MPP7: variants seen among roughly 807,000 people sequenced by gnomAD.
MPP7 encodes the protein MAGUK p55 subfamily member 7.
Under a neutral mutation model 76.5 loss-of-function variants are expected in MPP7, and 60 were observed. That is an observed-to-expected ratio of 0.78 (90% confidence interval 0.64 to 0.97). MPP7 has a LOEUF of 0.97. MPP7 is among the 50% of genes least tolerant of loss of function. The pLI is 0.00. For missense variants in MPP7, 641 were observed against 694.0 expected, an observed-to-expected ratio of 0.92 and a Z score of 0.86; for synonymous variants, 237 against 244.5, an observed-to-expected ratio of 0.97 and a Z score of 0.29.
chr10:28,291,750 A>C (rs1249268842), intron 1 of MPP7, among the ~76,000 whole-genome samples: 1 of 152,242 alleles, frequency 6.6e-6, no homozygotes, highest in Admixed American at 6.5e-5. Context: ...GTACACTATA[A>C]AATGTGCTTG....
At chr10:28,252,129 T>A (rs1312070099) in intron 1 of MPP7, among the ~76,000 whole-genome samples, 1 of 152,218 alleles carries the variant, frequency 6.6e-6, no homozygotes. Flanking sequence ...TATACATTGC[T>A]TAGTTATCAA....
At chr10:28,132,588 C>T (rs754470779) in intron 5 of MPP7, among the ~76,000 whole-genome samples, 15 of 151,926 alleles carry the variant, frequency 9.9e-5, no homozygotes, top group Non-Finnish European at 2.1e-4. Context: ...TGCCCCAATG[C>T]CCAGCTATTT....
intron 1 of MPP7, among the ~76,000 whole-genome samples, chr10:28,260,825 CA>C (rs2132932354): frequency 6.8e-6 from 1 of 146,678 alleles, no homozygotes; most frequent in African/African-American, 2.5e-5. Flanking sequence ...TCTTCTGGCA[CA>C]ATTTAAAGTG....
At chr10:28,297,272 T>C (rs1200201761) in intron 1 of MPP7, among the ~76,000 whole-genome samples, 3 of 152,242 alleles carry the variant, frequency 2.0e-5, no homozygotes, top group Non-Finnish European at 4.4e-5. Flanking sequence ...TTTAAAATGC[T>C]AGTGATCATC....
chr10:28,211,568 T>C (rs919769101), intron 2 of MPP7, among the ~76,000 whole-genome samples: 1 of 151,872 alleles, frequency 6.6e-6, no homozygotes, highest in Non-Finnish European at 1.5e-5. Context: ...TGACCAAGGA[T>C]TGGGGAAGAT....
chr10:28,282,961 T>C lies in MPP7; in HGVS notation c.-132+19900A>G, dbSNP rs144237699. Among the ~76,000 whole-genome samples the C allele has an allele frequency of 1.3e-3, 205 of 152,118 alleles. 2 individuals carry two copies. Among genetic ancestry groups the C allele is most frequent in the African/African-American group, 4.7e-3 (194 of 41,422 alleles). ...TAGGCATTAAAAAAAGATACCTTTT[T>C]CTGGTGTGTCAGTTGCGCACAGTGG... On this transcript the variant is annotated intron_variant, in intron 1 of 16. Transcript: ENST00000683449.
At chr10:28,192,832 C>T (rs187370403) in intron 3 of MPP7, among the ~76,000 whole-genome samples, 15 of 152,264 alleles carry the variant, frequency 9.9e-5, no homozygotes, top group African/African-American at 3.4e-4. Context: ...CAAAGAAGAA[C>T]AAAGTCTGAG....
chr10:28,173,378 A>G (rs1260402979), intron 3 of MPP7, among the ~76,000 whole-genome samples: 1 of 152,256 alleles, frequency 6.6e-6, no homozygotes, highest in Non-Finnish European at 1.5e-5. Context: ...TAAGGCAAAC[A>G]TAAATAGATG....
intron 3 of MPP7, among the ~76,000 whole-genome samples, chr10:28,159,310 G>A (rs1345582409): frequency 6.6e-6 from 1 of 152,100 alleles, no homozygotes; most frequent in Non-Finnish European, 1.5e-5. Flanking sequence ...AATTCACTGA[G>A]TATCTTAAAG....
chr10:28,142,452 T>A (rs1835553317), intron 5 of MPP7, among the ~76,000 whole-genome samples: 1 of 152,200 alleles, frequency 6.6e-6, no homozygotes, highest in Non-Finnish European at 1.5e-5. Context: ...TAGTTGGGGC[T>A]GTGCATGGTG....
At chr10:28,107,618 T>A (rs1834366831) in intron 11 of MPP7, among the ~76,000 whole-genome samples, 1 of 152,124 alleles carries the variant, frequency 6.6e-6, no homozygotes, top group Non-Finnish European at 1.5e-5. Context: ...AGCATTTACA[T>A]CCTGGAGACT....
chr10:28,126,238 T>G (rs10826403), intron 6 of MPP7, among the ~76,000 whole-genome samples: 1 of 151,998 alleles, frequency 6.6e-6, no homozygotes, highest in Non-Finnish European at 1.5e-5. Flanking sequence ...GAGCATCACT[T>G]CATGGTCATA....
chr10:28,277,969 G>A (rs1840555148), intron 1 of MPP7, among the ~76,000 whole-genome samples: 1 of 152,014 alleles, frequency 6.6e-6, no homozygotes, highest in Non-Finnish European at 1.5e-5. Flanking sequence ...TGAGTGACAT[G>A]AAGAGCTATC....
At chr10:28,078,153 C>T (rs1852584764) in intron 12 of MPP7, among the ~76,000 whole-genome samples, 1 of 152,324 alleles carries the variant, frequency 6.6e-6, no homozygotes, top group East Asian at 1.9e-4. Flanking sequence ...AAAACATGAA[C>T]TCGGGTAGCT....
chr10:28,160,225 T>A (rs1463173271), intron 3 of MPP7, among the ~76,000 whole-genome samples: 1 of 152,194 alleles, frequency 6.6e-6, no homozygotes, highest in Non-Finnish European at 1.5e-5. Context: ...ATCCTACAGC[T>A]ACTTGTCCTC....
Position 28,058,611 on chromosome 10 carries a change from A to G in MPP7, c.1299-8T>C. The G allele has an allele frequency of 7.0e-7, 1 of 1,419,328 alleles. No homozygotes were observed. Among genetic ancestry groups the G allele is most frequent in the Non-Finnish European group, 9.7e-7 (1 of 1,026,064 alleles). The allele number at this position is 1,419,328 out of a possible 1,614,324, so 87.9% of individuals were successfully genotyped here. A position where few individuals can be genotyped will look rare whatever the true frequency, so the allele number is the denominator to read the frequency against. Reference sequence around the variant, plus strand: ...TCTCCATATTCAATAAACCTGTAAAAAATTAAATGCATTGGAATCATTTGT... The same window carrying G: ...TCTCCATATTCAATAAACCTGTAAAGAATTAAATGCATTGGAATCATTTGT... On this transcript the variant is annotated splice_polypyrimidine_tract_variant and splice_region_variant and intron_variant, in intron 14 of 16. Transcript: ENST00000683449.
chr10:28,069,629 ACTC>A, intron 13 of MPP7, 140 bp downstream of exon 13: 1 of 482,122 alleles, frequency 2.1e-6, no homozygotes, highest in African/African-American at 2.0e-5. Flanking sequence ...CAAAAAAAAA[ACTC>A]ACATGCCCCA....
chr10:28,329,480 T>A (rs947352697), intron 2 of MPP7, among the ~76,000 whole-genome samples: 19 of 152,034 alleles, frequency 1.2e-4, no homozygotes, highest in African/African-American at 4.6e-4. Flanking sequence ...TACAAAAAAA[T>A]TAGCTGGGCG....
At chr10:28,269,522 T>C (rs926479241) in intron 1 of MPP7, among the ~76,000 whole-genome samples, 1 of 148,180 alleles carries the variant, frequency 6.7e-6, no homozygotes, top group Non-Finnish European at 1.5e-5. Context: ...TATTTGTTTT[T>C]ATCTTTTTTT....
Sources: gnomAD v4.1 joint callset for allele counts (sites outside exome capture counted in the v4.1 genomes callset) on GRCh38, gnomAD v4.1.1 for gene constraint, MANE v1.5 for transcripts, NCBI Gene and HGNC (gene_info 2026-07-23, HGNC 2026-07-21) for gene names.